The following PHF7 variants were observed in gnomAD, a reference collection of about 807,000 sequenced individuals.
The protein encoded by PHF7 is E3 ubiquitin-protein ligase PHF7.
In PHF7, 24 loss-of-function variants were observed where a neutral mutation model predicts 47.5. That is an observed-to-expected ratio of 0.51 (90% CI 0.37 to 0.71). PHF7 has a LOEUF of 0.71. PHF7 is among the 30% of genes least tolerant of loss of function. The pLI, the probability that PHF7 is intolerant of heterozygous loss-of-function variation, is 0.00. For synonymous variants in PHF7, 156 were observed against 153.8 expected (o/e 1.01, Z -0.11); for missense variants, 361 against 456.8 (o/e 0.79, Z 1.91).
chr3:52,415,533 C>G (rs886074115), intron 4 of PHF7, among the ~76,000 whole-genome samples: 1 of 152,242 alleles, frequency 6.6e-6, no homozygotes, highest in African/African-American at 2.4e-5. Flanking sequence ...AAAGTTCCCT[C>G]CTGCCTCCTT....
chr3:52,413,959 C>T (rs1204868106), intron 2 of PHF7, 37 bp from the exon 3 acceptor site: 4 of 1,462,278 alleles, frequency 2.7e-6, no homozygotes, highest in African/African-American at 2.8e-5. Context: ...ACAAGATCCC[C>T]AAAGAACACC....
Position 52,410,926 on chromosome 3 carries a change from C to T in PHF7, c.-391C>T, listed in dbSNP as rs1187642181. Reference sequence around the variant, plus strand: ...TTAAGCCCCTTCTCCGGCTGTTAACCTCCGGGGAACGGTTGTGACCACACC... The same window carrying T: ...TTAAGCCCCTTCTCCGGCTGTTAACTTCCGGGGAACGGTTGTGACCACACC... On this transcript the variant is annotated 5_prime_UTR_variant, in exon 1 of 11. Transcript: ENST00000327906. 1 of 152,308 alleles carries T rather than the reference C, an allele frequency of 6.6e-6. No homozygotes were observed. The highest frequency in any genetic ancestry group is 2.4e-5 in the African/African-American group (1 of 41,466). The allele number at this position is 152,308 out of a possible 1,614,324, so 9.4% of individuals were successfully genotyped here.
intron 8 of PHF7, 162 bp downstream of exon 8, chr3:52,421,916 G>T: frequency 1.7e-6 from 1 of 592,562 alleles, no homozygotes; most frequent in South Asian, 2.0e-5. Context: ...ACAGAAGGGA[G>T]GGGGAAGAAG....
In PHF7 at chr3:52,412,611, C is replaced by T. The variant is rs535695709; in HGVS notation, c.-69-200C>T. On this transcript the variant is annotated intron_variant, in intron 1 of 10. Coordinates refer to ENST00000327906, the MANE Select transcript of PHF7 (RefSeq NM_016483.7). ...TACTTAAACCTCTCTGTGCCTCAGT[C>T]CCCCATCTTGAAAATGGGGATAATA... Among the ~76,000 whole-genome samples, 10 of 152,296 alleles carry T rather than the reference C, an allele frequency of 6.6e-5. No homozygotes were observed. In the South Asian group the frequency reaches 1.9e-3, roughly 28 times the overall value.
At position 52,410,843 on chromosome 3, in the gene PHF7, T is replaced by C. The variant is rs1171653183; in HGVS notation, c.-474T>C. ...GGCGGAGGCGACCTCGGCCCGGCCC[T>C]GCACTGGCCGCCCGGCAGGCGCGAC... On this transcript the variant is annotated 5_prime_UTR_variant, in exon 1 of 11. Coordinates refer to ENST00000327906, the MANE Select transcript of PHF7 (RefSeq NM_016483.7). 6.6e-6 allele frequency: 1 copy of C among 152,302 alleles called. No individual in the cohort carries two copies. Among genetic ancestry groups the C allele is most frequent in the Non-Finnish European group, 1.5e-5 (1 of 68,104 alleles). 9.4% of individuals were successfully genotyped at this position (152,302 alleles called of 1,614,324 possible).
rs1705415453 is a variant in PHF7 at position 52,411,150 on chromosome 3, G to A, written c.-167G>A. On this transcript the variant is annotated 5_prime_UTR_variant, in exon 1 of 11. It removes an upstream start codon present in the reference 5' UTR. Coordinates refer to ENST00000327906, the MANE Select transcript of PHF7 (RefSeq NM_016483.7). ...TCATTTGCAAAGCCACCCCTCAGAT[G>A]TTTTGAAGATCGTGACGTCTTGTAA... 6.6e-6 allele frequency: 1 copy of A among 152,244 alleles called. No individual in the cohort carries two copies. Among genetic ancestry groups the A allele is most frequent in the South Asian group, 2.1e-4 (1 of 4,830 alleles). 9.4% of individuals were successfully genotyped at this position (152,244 alleles called of 1,614,324 possible).
At chr3:52,412,465 T>C (rs1705479977) in intron 1 of PHF7, among the ~76,000 whole-genome samples, 1 of 152,230 alleles carries the variant, frequency 6.6e-6, no homozygotes, top group South Asian at 2.1e-4. Context: ...GTAATGGTTC[T>C]AAGTTCTTTT....
Position 52,423,302 on chromosome 3 carries a change from CA to C in PHF7, c.1137del (p.Lys379AsnfsTer7). On this transcript the variant is annotated frameshift_variant, in exon 11 of 11. Coordinates refer to ENST00000327906, the MANE Select transcript of PHF7 (RefSeq NM_016483.7). LOFTEE classifies it high-confidence loss of function. ...AGGGTGTCAGAATCACTAACAGCTG[CA>C]AAAAATCCAAGTAACACCTTCTGAG... is the stretch of plus-strand genomic sequence containing the variant. ...SKGVRITNSC[K>X]KSK is the part of the protein sequence containing the mutation. 1 of 1,609,726 alleles carries C rather than the reference CA, an allele frequency of 6.2e-7. No individual in the cohort carries two copies. Among genetic ancestry groups the C allele is most frequent in the South Asian group, 1.1e-5 (1 of 90,858 alleles).
chr3:52,420,408 G>T lies in PHF7; in HGVS notation c.386G>T (p.Cys129Phe), dbSNP rs1485480509. 1.2e-6 allele frequency: 2 copies of T among 1,614,056 alleles called. No homozygotes were observed. Among genetic ancestry groups the T allele is most frequent in the Non-Finnish European group, 1.7e-6 (2 of 1,179,906 alleles). ...FHLPCGQERG[C>F]LSQFFGEYKS... ...CTGCCTTGTGGCCAAGAAAGGGGTT[G>T]CCTTTCACAATTTTTTGGAGAGTAC... is the stretch of plus-strand genomic sequence containing the variant. Residue 129 changes from cysteine to phenylalanine, a missense_variant, in exon 6 of 11, where the codon TGC becomes TTC. Transcript: ENST00000327906.
intron 3 of PHF7, 97 bp downstream of exon 3, chr3:52,414,145 C>A: frequency 1.3e-6 from 1 of 789,764 alleles, no homozygotes; most frequent in East Asian, 2.5e-5. Flanking sequence ...TCTCTCTCTC[C>A]CAGCCCTACT....
chr3:52,420,505 G>A (rs1705754618), intron 6 of PHF7, 70 bp downstream of exon 6: 2 of 1,494,610 alleles, frequency 1.3e-6, no homozygotes, highest in Non-Finnish European at 1.9e-6. Context: ...TGAAATCAGA[G>A]TCCAGTTCTC....
In PHF7 at chr3:52,412,795, C is replaced by A; in HGVS notation, c.-69-16C>A. On this transcript the variant is annotated splice_polypyrimidine_tract_variant and intron_variant, in intron 1 of 10. Coordinates refer to ENST00000327906, the MANE Select transcript of PHF7 (RefSeq NM_016483.7). ...ACAGAATTAAATTGCTTACCAAACC[C>A]CATTTATATTTATAGCTGGAAGAGC... 8.8e-7 allele frequency: 1 copy of A among 1,136,440 alleles called. No individual in the cohort carries two copies. The highest frequency in any genetic ancestry group is 1.3e-6 in the Non-Finnish European group (1 of 766,710). 70.4% of individuals were successfully genotyped at this position (1,136,440 alleles called of 1,614,324 possible).
chr3:52,423,363 C>A lies in PHF7; in HGVS notation c.*46C>A. On this transcript the variant is annotated 3_prime_UTR_variant, in exon 11 of 11. Coordinates refer to ENST00000327906, the MANE Select transcript of PHF7 (RefSeq NM_016483.7). ...TCCCACACAATAGGGTATGAAGCTG[C>A]GCTCCTCCATCGGGTTTGGGGAGGG... is the stretch of plus-strand genomic sequence containing the variant. 7.8e-7 allele frequency: 1 copy of A among 1,279,864 alleles called. No homozygotes were observed. The highest frequency in any genetic ancestry group is 1.1e-6 in the Non-Finnish European group (1 of 890,066). 79.3% of individuals were successfully genotyped at this position (1,279,864 alleles called of 1,614,324 possible). A position where few individuals can be genotyped will look rare whatever the true frequency, so the allele number is the denominator to read the frequency against.
intron 2 of PHF7, among the ~76,000 whole-genome samples, chr3:52,413,779 A>G (rs1199784010): frequency 6.6e-6 from 1 of 152,148 alleles, no homozygotes; most frequent in Non-Finnish European, 1.5e-5. Context: ...AGGTTGCAGT[A>G]AGCTGAGATC....
chr3:52,420,310 G>C lies in PHF7; in HGVS notation c.289-1G>C. 6.2e-7 allele frequency: 1 copy of C among 1,614,030 alleles called. No homozygotes were observed. Among genetic ancestry groups the C allele is most frequent in the Non-Finnish European group, 8.5e-7 (1 of 1,179,880 alleles). On this transcript the variant is annotated splice_acceptor_variant, in intron 5 of 10. Transcript: ENST00000327906. LOFTEE classifies it high-confidence loss of function. ...AGCACTGTCTGGGAACTCATTTGCA[G>C]ATCTGCTTTGTGTGCAAGAAAAAGG...
intron 1 of PHF7, among the ~76,000 whole-genome samples, chr3:52,412,453 A>C (rs940831392): frequency 6.6e-6 from 1 of 152,196 alleles, no homozygotes; most frequent in African/African-American, 2.4e-5. Context: ...TAGCTAGGTC[A>C]AGTAATGGTT....
chr3:52,421,224 T>TC, intron 7 of PHF7, among the ~76,000 whole-genome samples, 162 bp downstream of exon 7: 1 of 152,218 alleles, frequency 6.6e-6, no homozygotes, highest in Admixed American at 6.5e-5. Context: ...GTCAGTCCAG[T>TC]CTGTGGTCAT....
At chr3:52,422,974 G>A in intron 10 of PHF7, 93 bp downstream of exon 10, 1 of 1,560,208 alleles carries the variant, frequency 6.4e-7, no homozygotes, top group Non-Finnish European at 8.8e-7. Flanking sequence ...CCACCAGAGG[G>A]GGATTAATAG....
At position 52,412,937 on chromosome 3, in the gene PHF7, T is replaced by C. The variant is rs769815963; in HGVS notation, c.41+17T>C. ...GAGATTGAGGTAGAAGTAGTTGACA[T>C]AGGGAATTTGGGAGAAATTGTCCAA... On this transcript the variant is annotated intron_variant, in intron 2 of 10. Transcript: ENST00000327906. 3.5e-5 allele frequency: 56 copies of C among 1,599,514 alleles called. No homozygotes were observed. Among genetic ancestry groups the C allele is most frequent in the Non-Finnish European group, 4.5e-5 (52 of 1,168,010 alleles).
Sources: allele counts gnomAD v4.1 joint callset (sites outside exome capture counted in the v4.1 genomes callset), GRCh38; gene constraint gnomAD v4.1.1; transcripts MANE v1.5; gene names NCBI Gene and HGNC (gene_info 2026-07-23, HGNC 2026-07-21).